The following STXBP5L variants were observed in gnomAD, a reference collection of about 807,000 sequenced individuals.
The protein encoded by STXBP5L is syntaxin-binding protein 5-like.
In STXBP5L, 65 loss-of-function variants were observed where a neutral mutation model predicts 144.5. The observed-to-expected ratio is 0.45, with a 90% confidence interval of 0.37 to 0.55. STXBP5L has a LOEUF of 0.55. Ranked by LOEUF, STXBP5L falls within the 20% of genes least tolerant of loss-of-function variation. The pLI is 0.00. For missense variants in STXBP5L, 1,298 were observed against 1,405.5 expected, an observed-to-expected ratio of 0.92 and a Z score of 1.22; for synonymous variants, 505 against 469.6, an observed-to-expected ratio of 1.08 and a Z score of -0.97.
chr3:120,962,138 A>C (rs1938915127), intron 3 of STXBP5L, among the ~76,000 whole-genome samples: 1 of 144,954 alleles, frequency 6.9e-6, no homozygotes, highest in African/African-American at 2.6e-5. Flanking sequence ...TTTTTCTGGT[A>C]AATTTTTGTT....
At chr3:120,994,237 G>A (rs967304860) in intron 3 of STXBP5L, among the ~76,000 whole-genome samples, 1 of 151,842 alleles carries the variant, frequency 6.6e-6, no homozygotes, top group Non-Finnish European at 1.5e-5. Context: ...TTCTGCAAAG[G>A]GACAGTTTGA....
At chr3:121,147,789 C>T (rs1277940668) in intron 7 of STXBP5L, among the ~76,000 whole-genome samples, 1 of 152,118 alleles carries the variant, frequency 6.6e-6, no homozygotes, top group Non-Finnish European at 1.5e-5. Context: ...CAGCTGAAGG[C>T]CTGAATAGAA....
chr3:121,033,731 C>CT (rs973293667), intron 3 of STXBP5L, among the ~76,000 whole-genome samples: 4 of 151,676 alleles, frequency 2.6e-5, no homozygotes, highest in Non-Finnish European at 5.9e-5. Context: ...TAAGTAAGAA[C>CT]TTTTTTTAAT....
At chr3:121,162,265 T>A (rs1289810448) in intron 9 of STXBP5L, among the ~76,000 whole-genome samples, 1 of 152,088 alleles carries the variant, frequency 6.6e-6, no homozygotes, top group East Asian at 1.9e-4. Context: ...TAAATTCAGT[T>A]TGTTCCCAAG....
chr3:121,094,601 C>A (rs1317119523), intron 5 of STXBP5L, among the ~76,000 whole-genome samples: 1 of 151,748 alleles, frequency 6.6e-6, no homozygotes. Flanking sequence ...CAACCCCTGC[C>A]TTTTTTTGTT....
intron 3 of STXBP5L, among the ~76,000 whole-genome samples, chr3:120,962,619 C>A (rs1425938959): frequency 6.6e-6 from 1 of 152,108 alleles, no homozygotes; most frequent in Non-Finnish European, 1.5e-5. Flanking sequence ...GGGCTCTGTT[C>A]TGTTCCATTG....
At chr3:121,329,930 G>A (rs906968153) in intron 20 of STXBP5L, among the ~76,000 whole-genome samples, 4 of 151,980 alleles carry the variant, frequency 2.6e-5, no homozygotes, top group Non-Finnish European at 5.9e-5. Context: ...TCTACATAAA[G>A]ATACACTTAT....
intron 3 of STXBP5L, among the ~76,000 whole-genome samples, chr3:121,000,421 A>C (rs1478922462): frequency 1.3e-5 from 2 of 152,126 alleles, no homozygotes; most frequent in African/African-American, 4.8e-5. Context: ...TTCCAATTGA[A>C]TTATGAAATT....
intron 19 of STXBP5L, among the ~76,000 whole-genome samples, chr3:121,304,756 T>A (rs1174651217): frequency 6.6e-6 from 1 of 151,842 alleles, no homozygotes; most frequent in East Asian, 1.9e-4. Flanking sequence ...TATGTTAGAT[T>A]TTTTTTTAAA....
At chr3:120,984,829 T>G (rs1471290270) in intron 3 of STXBP5L, among the ~76,000 whole-genome samples, 2 of 151,836 alleles carry the variant, frequency 1.3e-5, no homozygotes, top group African/African-American at 4.8e-5. Flanking sequence ...TCGTGTTGAG[T>G]TAGTTTCCTT....
intron 3 of STXBP5L, among the ~76,000 whole-genome samples, chr3:121,021,670 G>C (rs900855331): frequency 3.9e-5 from 6 of 152,012 alleles, no homozygotes; most frequent in Non-Finnish European, 7.4e-5. Context: ...ATGATTGCTG[G>C]GTCAACAATG....
intron 20 of STXBP5L, among the ~76,000 whole-genome samples, chr3:121,340,194 A>G (rs183878457): frequency 5.3e-5 from 8 of 152,298 alleles, no homozygotes; most frequent in Admixed American, 5.2e-4. Flanking sequence ...TGTTACTGGT[A>G]TAAAAGTAGA....
intron 7 of STXBP5L, among the ~76,000 whole-genome samples, chr3:121,150,275 T>C (rs1468816648): frequency 1.3e-5 from 2 of 152,148 alleles, no homozygotes; most frequent in African/African-American, 2.4e-5. Flanking sequence ...CTTGCTTCTA[T>C]TGTGAGAGAC....
chr3:121,321,832 G>A (rs1364238912), intron 20 of STXBP5L, among the ~76,000 whole-genome samples: 1 of 152,156 alleles, frequency 6.6e-6, no homozygotes, highest in Non-Finnish European at 1.5e-5. Flanking sequence ...TTATAACTCT[G>A]ATATTCTCCT....
intron 3 of STXBP5L, among the ~76,000 whole-genome samples, chr3:120,972,183 A>G (rs1170790613): frequency 6.6e-6 from 1 of 152,016 alleles, no homozygotes; most frequent in East Asian, 1.9e-4. Context: ...CATTTTAATG[A>G]TATTGATTCT....
At chr3:121,102,799 G>A (rs766999125) in intron 5 of STXBP5L, among the ~76,000 whole-genome samples, 11 of 151,972 alleles carry the variant, frequency 7.2e-5, no homozygotes, top group Non-Finnish European at 1.5e-4. Context: ...TACAAACTAT[G>A]CATCAAACAA....
intron 20 of STXBP5L, among the ~76,000 whole-genome samples, chr3:121,354,508 C>CTTTTTTTTTTTTTTTTT (rs145703750): frequency 3.0e-5 from 2 of 67,542 alleles, no homozygotes; most frequent in African/African-American, 5.8e-5. Context: ...TGCAACCCTG[C>CTTTTTTTTTTTTTTTTT]TTTTTTTTTT....
chr3:121,187,056 A>G (rs544388787), intron 9 of STXBP5L, among the ~76,000 whole-genome samples: 101 of 152,294 alleles, frequency 6.6e-4, no homozygotes, highest in African/African-American at 2.4e-3. Context: ...CAGCCATCCC[A>G]TTACTGGGTA....
At chr3:121,402,912 C>T (rs1331752048) in intron 22 of STXBP5L, among the ~76,000 whole-genome samples, 1 of 152,060 alleles carries the variant, frequency 6.6e-6, no homozygotes, top group African/African-American at 2.4e-5. Flanking sequence ...TCACTGTCGC[C>T]CTGAACTACT....
Sources: gnomAD v4.1 joint callset for allele counts (sites outside exome capture counted in the v4.1 genomes callset) on GRCh38, gnomAD v4.1.1 for gene constraint, MANE v1.5 for transcripts, NCBI Gene and HGNC (gene_info 2026-07-23, HGNC 2026-07-21) for gene names.